Variants in TANC2 observed in about 807,000 individuals in gnomAD.
The protein encoded by TANC2 is tetratricopeptide repeat, ankyrin repeat and coiled-coil containing 2, also known as protein TANC2.
A neutral mutation model predicts 210.5 loss-of-function variants in TANC2; 26 were observed. That is an observed-to-expected ratio of 0.12 (90% CI 0.09 to 0.17). TANC2 has a LOEUF of 0.17. TANC2 is among the 10% of genes least tolerant of loss of function. The pLI is 1.00. For missense variants in TANC2, 2,129 were observed against 2,608.9 expected, an observed-to-expected ratio of 0.82 and a Z score of 4.01; for synonymous variants, 931 against 967.1, an observed-to-expected ratio of 0.96 and a Z score of 0.69.
At chr17:63,159,735 C>A (rs1313220257) in intron 5 of TANC2, among the ~76,000 whole-genome samples, 1 of 152,082 alleles carries the variant, frequency 6.6e-6, no homozygotes, top group Non-Finnish European at 1.5e-5. Flanking sequence ...TATGCAAATA[C>A]TACGTCATTT....
chr17:63,379,867 C>A, intron 15 of TANC2, 41 bp downstream of exon 15: 1 of 1,516,206 alleles, frequency 6.6e-7, no homozygotes. Flanking sequence ...CCATCTCTAG[C>A]AGACTTTCAT....
At chr17:63,319,121 G>T (rs1450350161) in intron 11 of TANC2, 31 bp downstream of exon 11, 4 of 1,588,698 alleles carry the variant, frequency 2.5e-6, no homozygotes, top group South Asian at 1.1e-5. Flanking sequence ...TGGGGATATG[G>T]TAGTTCCATT....
At chr17:63,114,044 A>C (rs2038156632) in intron 4 of TANC2, among the ~76,000 whole-genome samples, 1 of 152,214 alleles carries the variant, frequency 6.6e-6, no homozygotes, top group Non-Finnish European at 1.5e-5. Context: ...AAGTAAGTAA[A>C]GTGAGAGAAA....
intron 11 of TANC2, among the ~76,000 whole-genome samples, chr17:63,320,019 C>T (rs1307914187): frequency 1.3e-5 from 2 of 152,100 alleles, no homozygotes; most frequent in Non-Finnish European, 1.5e-5. Flanking sequence ...ATAGTTGTTT[C>T]ACCTTCCTTC....
chr17:63,036,630 C>G (rs2034982321), intron 2 of TANC2, among the ~76,000 whole-genome samples: 1 of 152,100 alleles, frequency 6.6e-6, no homozygotes. Flanking sequence ...ATCATCTTGT[C>G]TATCTATAAA....
chr17:63,058,411 A>G (rs557018818), intron 2 of TANC2, among the ~76,000 whole-genome samples: 87 of 152,276 alleles, frequency 5.7e-4, no homozygotes, highest in Non-Finnish European at 9.3e-4. Context: ...GCTGTCCAGA[A>G]GCTCTTTTGT....
intron 21 of TANC2, among the ~76,000 whole-genome samples, chr17:63,411,200 T>C (rs774813306): frequency 8.5e-5 from 13 of 152,070 alleles, no homozygotes; most frequent in Non-Finnish European, 1.6e-4. Context: ...CGAGAGGCAG[T>C]GAGCACATCC....
chr17:63,232,642 A>G (rs2042507864), intron 7 of TANC2, among the ~76,000 whole-genome samples: 1 of 152,214 alleles, frequency 6.6e-6, no homozygotes, highest in South Asian at 2.1e-4. Flanking sequence ...TAGGAGCTCC[A>G]TCCCAGAGGG....
rs573426235 is a variant in TANC2 at position 63,218,465 on chromosome 17, A to G, written c.769+17508A>G. On this transcript the variant is annotated intron_variant, in intron 7 of 27. Transcript: ENST00000689528. ...TATTCAATATTATGTTGGCAGTCTC[A>G]ATCAGTGAAATAAGATGAATAAAGT... Among the ~76,000 whole-genome samples the G allele has an allele frequency of 2.6e-5, 4 of 152,304 alleles. No individual in the cohort carries two copies. In the South Asian group the frequency reaches 6.2e-4, roughly 24 times the overall value.
chr17:63,371,466 CAA>C (rs535768676), intron 14 of TANC2, among the ~76,000 whole-genome samples: 11 of 100,816 alleles, frequency 1.1e-4, no homozygotes, highest in Admixed American at 2.1e-4. Context: ...AATTCCGTCT[CAA>C]AAAAAAAAAA....
chr17:63,011,818 C>T (rs1180620718), intron 2 of TANC2, among the ~76,000 whole-genome samples: 2 of 151,926 alleles, frequency 1.3e-5, no homozygotes, highest in East Asian at 3.9e-4. Context: ...TGTGCTTATG[C>T]TGTTAATAGC....
At chr17:63,064,635 AT>A in intron 2 of TANC2, among the ~76,000 whole-genome samples, 1 of 152,230 alleles carries the variant, frequency 6.6e-6, no homozygotes, top group South Asian at 2.1e-4. Context: ...TTCCTTTTAT[AT>A]ATTTCCATCT....
intron 3 of TANC2, among the ~76,000 whole-genome samples, chr17:63,075,278 A>G (rs2036531076): frequency 6.6e-6 from 1 of 152,186 alleles, no homozygotes; most frequent in Non-Finnish European, 1.5e-5. Flanking sequence ...GATGTTTGAA[A>G]TCACTTATCT....
chr17:62,971,836 G>A (rs992911113), intron 1 of TANC2, among the ~76,000 whole-genome samples: 8 of 152,146 alleles, frequency 5.3e-5, no homozygotes, highest in Admixed American at 1.3e-4. Context: ...CGGGTTGTCC[G>A]TCCTTATGAG....
chr17:63,065,631 A>G (rs2036168149), intron 2 of TANC2, among the ~76,000 whole-genome samples: 1 of 152,164 alleles, frequency 6.6e-6, no homozygotes, highest in Non-Finnish European at 1.5e-5. Flanking sequence ...TTTAATCTGC[A>G]TTTCTCTGAT....
rs778132792 is a variant in TANC2 at position 63,297,010 on chromosome 17, GCAAA to G, written c.1160-17368_1160-17365del. On this transcript the variant is annotated intron_variant, in intron 9 of 27. Coordinates refer to ENST00000689528, the Ensembl canonical transcript of TANC2. ...GGTCAGAAAAAAAAATCTACAAAAA[GCAAA>G]CAAACAAACTTGAGCTAATAACATG... Among the ~76,000 whole-genome samples, 6 of 152,184 alleles carry G rather than the reference GCAAA, an allele frequency of 3.9e-5. No homozygotes were observed. The East Asian group carries it at 5.8e-4, about 15-fold the overall frequency.
intron 7 of TANC2, among the ~76,000 whole-genome samples, chr17:63,221,752 A>G (rs750594105): frequency 1.6e-4 from 24 of 152,226 alleles, no homozygotes; most frequent in Non-Finnish European, 3.5e-4. Context: ...AATACCAAAG[A>G]TTGGCAAAAA....
intron 2 of TANC2, among the ~76,000 whole-genome samples, chr17:63,069,404 G>A (rs1330528330): frequency 3.3e-5 from 5 of 152,098 alleles, no homozygotes; most frequent in African/African-American, 4.8e-5. Context: ...CTAGAAGTCC[G>A]TGGTTTGCTC....
In TANC2 at chr17:63,059,693, G is replaced by GT. The variant is rs202006093; in HGVS notation, c.68-14243dup. Among the ~76,000 whole-genome samples the GT allele has an allele frequency of 9.0e-3, 1,353 of 150,770 alleles. 19 individuals carry two copies. The highest frequency in any genetic ancestry group is 0.031 in the African/African-American group (1,281 of 41,076). ...ATGTGGCCAGTTAGTGTTTTGTTTTGTTTTTTTGTTTTCTTTAAACATTTT... is the reference window on the plus strand; with the variant it reads ...ATGTGGCCAGTTAGTGTTTTGTTTTGTTTTTTTTGTTTTCTTTAAACATTTT... On this transcript the variant is annotated intron_variant, in intron 2 of 27. Coordinates refer to ENST00000689528, the Ensembl canonical transcript of TANC2.
Sources: allele counts gnomAD v4.1 joint callset (sites outside exome capture counted in the v4.1 genomes callset), GRCh38; gene constraint gnomAD v4.1.1; transcripts MANE v1.5; gene names NCBI Gene and HGNC (gene_info 2026-07-23, HGNC 2026-07-21).